Variants in NUP43 observed in about 807,000 individuals in gnomAD.
NUP43 encodes the protein nucleoporin 43, also known as nucleoporin Nup43.
A neutral mutation model predicts 47.3 loss-of-function variants in NUP43; 32 were observed. That is an observed-to-expected ratio of 0.68 (90% confidence interval 0.51 to 0.91). The LOEUF is 0.91. Among genes scored for constraint, NUP43 ranks in the 40% least tolerant of loss-of-function variants. The pLI, the probability that NUP43 is intolerant of heterozygous loss-of-function variation, is 0.00. For missense variants in NUP43, 444 were observed against 453.9 expected, an observed-to-expected ratio of 0.98 and a Z score of 0.20; for synonymous variants, 147 against 158.4, an observed-to-expected ratio of 0.93 and a Z score of 0.54.
chr6:149,745,921 G>T lies in NUP43; in HGVS notation c.243+19C>A. 6.3e-7 allele frequency: 1 copy of T among 1,589,356 alleles called. No homozygotes were observed. The highest frequency in any genetic ancestry group is 1.2e-5 in the South Asian group (1 of 86,516). ...CTCAGGACTTTCAAAGTTAGCTTTT[G>T]GATGCTACACAGATTTACCTGTAAA... On this transcript the variant is annotated intron_variant, in intron 2 of 7. Transcript: ENST00000340413.
chr6:149,746,712 C>T (rs774240098), upstream of NUP43: 117 of 1,496,870 alleles, frequency 7.8e-5, no homozygotes, highest in Non-Finnish European at 1.0e-4. Flanking sequence ...GGCAAGAGCG[C>T]TTTGGCCTTT....
upstream of NUP43, among the ~76,000 whole-genome samples, chr6:149,748,383 C>A (rs1358313713): frequency 6.6e-6 from 1 of 152,156 alleles, no homozygotes; most frequent in Non-Finnish European, 1.5e-5. Flanking sequence ...GTCACATAAT[C>A]CCAGAAAATA....
At chr6:149,741,673 T>G (rs1211051390) in intron 4 of NUP43, among the ~76,000 whole-genome samples, 1 of 150,042 alleles carries the variant, frequency 6.7e-6, no homozygotes, top group Non-Finnish European at 1.5e-5. Context: ...ACCCAGCTTA[T>G]TTTTGTTATT....
rs748043971 is a variant in NUP43 at position 149,738,744 on chromosome 6, G to C, written c.537C>G (p.Thr179=). ...NADSSTLHAV[T]FLRTPEILTV... is the part of the protein sequence containing the mutation. ...TAAGAATCTCAGGAGTTCGAAGAAA[G>C]GTTACAGCATGGAGTGTACTACTAT... Residue 179 remains threonine, a synonymous_variant, in exon 5 of 8, where the codon ACC becomes ACG. Transcript: ENST00000340413. The C allele has an allele frequency of 2.5e-6, 4 of 1,589,996 alleles. No homozygotes were observed. The South Asian group carries it at 4.7e-5, about 19-fold the overall frequency.
At chr6:149,744,401 G>A (rs544676800) in intron 2 of NUP43, among the ~76,000 whole-genome samples, 1 of 151,568 alleles carries the variant, frequency 6.6e-6, no homozygotes, top group Non-Finnish European at 1.5e-5. Flanking sequence ...GCATGTGCCT[G>A]TACTCCCAGC....
At chr6:149,739,754 C>T (rs1359408760) in intron 4 of NUP43, among the ~76,000 whole-genome samples, 1 of 152,178 alleles carries the variant, frequency 6.6e-6, no homozygotes, top group African/African-American at 2.4e-5. Context: ...AACTCCAGTG[C>T]TTCCTACAGA....
At chr6:149,729,404 G>C in intron 7 of NUP43, 1 of 356,174 alleles carries the variant, frequency 2.8e-6, no homozygotes, top group Non-Finnish European at 3.9e-6. Flanking sequence ...GCCAATAGCA[G>C]GTATTAATGG....
At chr6:149,739,198 G>A (rs557155479) in intron 4 of NUP43, among the ~76,000 whole-genome samples, 3 of 152,018 alleles carry the variant, frequency 2.0e-5, no homozygotes, top group Admixed American at 6.6e-5. Context: ...GGCTGGTCTC[G>A]AACTCCCGAC....
chr6:149,734,788 A>C (rs1160797144), intron 6 of NUP43, among the ~76,000 whole-genome samples: 1 of 124,632 alleles, frequency 8.0e-6, no homozygotes, highest in African/African-American at 3.0e-5. Flanking sequence ...ACAGAACAAG[A>C]CTCTGTCTCA....
upstream of NUP43, chr6:149,746,764 C>T (rs1415923784): frequency 2.0e-5 from 25 of 1,243,116 alleles, no homozygotes; most frequent in Non-Finnish European, 2.4e-5. Context: ...TCAGTATTTT[C>T]TTGTGTTCAA....
At chr6:149,729,257 GC>G (rs1163878324) in intron 7 of NUP43, among the ~76,000 whole-genome samples, 1 of 152,154 alleles carries the variant, frequency 6.6e-6, no homozygotes, top group Admixed American at 6.5e-5. Context: ...CTCCCAAATT[GC>G]TGGGATTACA....
intron 2 of NUP43, among the ~76,000 whole-genome samples, chr6:149,744,728 C>T (rs888993977): frequency 6.0e-5 from 9 of 150,452 alleles, no homozygotes; most frequent in East Asian, 3.9e-4. Flanking sequence ...CCCAGCTACT[C>T]GGGAGGCTGA....
intron 2 of NUP43, 43 bp from the exon 3 acceptor site, chr6:149,743,758 G>A (rs747876462): frequency 2.4e-6 from 3 of 1,237,148 alleles, no homozygotes; most frequent in Non-Finnish European, 3.5e-6. Context: ...AGAAATATTA[G>A]CAGGGAGGAA....
In NUP43 at chr6:149,743,669, A is replaced by AC; in HGVS notation, c.289dup (p.Val97GlyfsTer10). The stretch of plus-strand genomic sequence containing the variant: ...ATTTGGATGGTGAAGGAAAACTGTT[A>AC]CACATCCTGTTGATGAAGCAGCGAC... On this transcript the variant is annotated frameshift_variant, in exon 3 of 8. Coordinates refer to ENST00000340413, the MANE Select transcript of NUP43 (RefSeq NM_198887.3). LOFTEE classifies it high-confidence loss of function. 1 of 1,610,418 alleles carries AC rather than the reference A, an allele frequency of 6.2e-7. No homozygotes were observed. The highest frequency in any genetic ancestry group is 8.5e-7 in the Non-Finnish European group (1 of 1,177,518).
chr6:149,737,067 G>C (rs1472641335), intron 5 of NUP43, among the ~76,000 whole-genome samples: 2 of 152,050 alleles, frequency 1.3e-5, no homozygotes, highest in African/African-American at 4.8e-5. Flanking sequence ...AAGGCAGGTG[G>C]ATGACTTGAG....
chr6:149,742,170 G>A (rs1343438899), intron 4 of NUP43, among the ~76,000 whole-genome samples: 1 of 152,182 alleles, frequency 6.6e-6, no homozygotes, highest in Non-Finnish European at 1.5e-5. Context: ...GGGATTACAG[G>A]CATGTGCCAC....
chr6:149,727,387 C>T (rs1005599706), intron 7 of NUP43, 189 bp from the exon 8 acceptor site: 41 of 984,376 alleles, frequency 4.2e-5, no homozygotes, highest in Non-Finnish European at 4.8e-5. Flanking sequence ...ATTAAATATT[C>T]AAATTTCCAT....
At chr6:149,737,690 A>C (rs12178310) in intron 5 of NUP43, among the ~76,000 whole-genome samples, 3 of 151,716 alleles carry the variant, frequency 2.0e-5, no homozygotes, top group African/African-American at 7.3e-5. Flanking sequence ...GCACGATCTT[A>C]GCTCACTGCA....
At chr6:149,746,126 T>C (rs1785982299) in intron 1 of NUP43, 64 bp from the exon 2 acceptor site, 2 of 1,568,770 alleles carry the variant, frequency 1.3e-6, no homozygotes, top group African/African-American at 2.7e-5. Flanking sequence ...ATAAAAGTTG[T>C]GCTCCCGTCC....
Sources: gnomAD v4.1 joint callset for allele counts (sites outside exome capture counted in the v4.1 genomes callset) on GRCh38, gnomAD v4.1.1 for gene constraint, MANE v1.5 for transcripts, NCBI Gene and HGNC (gene_info 2026-07-23, HGNC 2026-07-21) for gene names.